H1-2: variants seen among roughly 807,000 people sequenced by gnomAD.
H1-2 encodes H1.2 linker histone, cluster member, also known as histone H1.2.
A neutral mutation model predicts 7.2 loss-of-function variants in H1-2; 7 were observed. The ratio of observed to expected loss-of-function variants is 0.97; its 90% CI spans 0.55 to 1.82. H1-2 has a LOEUF of 1.82. Among genes scored for constraint, H1-2 ranks in the 40% most tolerant of loss-of-function variants. The pLI, the probability that H1-2 is intolerant of heterozygous loss-of-function variation, is 0.00. For synonymous variants in H1-2, 300 were observed against 118.2 expected (o/e 2.54, Z -9.98); for missense variants, 703 against 276.6 (o/e 2.54, Z -10.94).
At position 26,056,391 on chromosome 6, in the gene H1-2, G is replaced by C. The variant is rs767766079; in HGVS notation, c.38C>G (p.Pro13Arg). The change falls in exon 1 of 1, where the codon CCT becomes CGT. Residue 13 changes from proline (P) to arginine (R), a missense_variant. Pro to Arg is a moderately radical substitution (Grantham distance 103). Coordinates refer to ENST00000343677, the MANE Select transcript of H1-2 (RefSeq NM_005319.4). ...ETAPAAPAAA[P>R]PAEKAPVKKK... ...CTTTACAGGGGCCTTCTCCGCAGGA[G>C]GCGCGGCAGCGGGAGCGGCAGGAGC... 6.2e-6 allele frequency: 10 copies of C among 1,601,826 alleles called. No homozygotes were observed. Among genetic ancestry groups the C allele is most frequent in the Non-Finnish European group, 8.5e-6 (10 of 1,174,242 alleles).
chr6:26,056,302 G>T lies in H1-2; in HGVS notation c.127C>A (p.Leu43Ile). 1 of 1,614,148 alleles carries T rather than the reference G, an allele frequency of 6.2e-7. No homozygotes were observed. The highest frequency in any genetic ancestry group is 8.5e-7 in the Non-Finnish European group (1 of 1,179,974). The change falls in exon 1 of 1, where the codon CTC becomes ATC. Residue 43 changes from leucine (L) to isoleucine (I), a missense_variant. Coordinates refer to ENST00000343677, the MANE Select transcript of H1-2 (RefSeq NM_005319.4). Reference protein sequence around the residue: ...RKASGPPVSELITKAVAASKE... With the variant: ...RKASGPPVSEIITKAVAASKE... The stretch of plus-strand genomic sequence containing the variant: ...GAGGCGGCCACAGCCTTGGTGATGA[G>T]CTCTGACACCGGGGGACCAGACGCC...
In H1-2 at chr6:26,056,241, T is replaced by C. The variant is rs1761922006; in HGVS notation, c.188A>G (p.Lys63Arg). Residue 63 changes from lysine to arginine, a missense_variant, in exon 1 of 1, where the codon AAA (lysine) becomes AGA (arginine). Coordinates refer to ENST00000343677, the MANE Select transcript of H1-2 (RefSeq NM_005319.4). ...ERSGVSLAAL[K>R]KALAAAGYDV... is the part of the protein sequence containing the mutation. The stretch of plus-strand genomic sequence containing the variant: ...ATAGCCGGCGGCAGCCAACGCTTTT[T>C]TCAGAGCAGCCAGAGAAACTCCGCT... 2 of 1,614,246 alleles carry C rather than the reference T, an allele frequency of 1.2e-6. No homozygotes were observed. The highest frequency in any genetic ancestry group is 2.2e-5 in the East Asian group (1 of 44,880).
chr6:26,055,781 G>A lies in H1-2; in HGVS notation c.*6C>T, dbSNP rs771281171. 5.7e-6 allele frequency: 9 copies of A among 1,585,612 alleles called. No individual in the cohort carries two copies. In the East Asian group the frequency reaches 6.7e-5, roughly 12 times the overall value. ...AGCCTTTTGGGTTTTAGAAGTAGGC[G>A]TTCGCCTATTTCTTCTTGGGCGCCG... On this transcript the variant is annotated 3_prime_UTR_variant, in exon 1 of 1. Coordinates refer to ENST00000343677, the MANE Select transcript of H1-2 (RefSeq NM_005319.4).
chr6:26,056,279 G>A lies in H1-2; in HGVS notation c.150C>T (p.Ala50=), dbSNP rs150897775. The A allele has an allele frequency of 2.7e-5, 43 of 1,614,128 alleles. No individual in the cohort carries two copies. Among genetic ancestry groups the A allele is most frequent in the East Asian group, 1.3e-4 (6 of 44,884 alleles). ...GAGAAACTCCGCTACGCTCTTTAGA[G>A]GCGGCCACAGCCTTGGTGATGAGCT... The part of the protein sequence containing the change: ...VSELITKAVA[A]SKERSGVSLA... The change falls in exon 1 of 1, where the codon GCC becomes GCT. Residue 50 remains alanine (A), a synonymous_variant. Coordinates refer to ENST00000343677, the MANE Select transcript of H1-2 (RefSeq NM_005319.4).
chr6:26,056,015 G>A lies in H1-2; in HGVS notation c.414C>T (p.Pro138=), dbSNP rs944083777. 10 of 1,613,440 alleles carry A rather than the reference G, an allele frequency of 6.2e-6. No individual in the cohort carries two copies. Among genetic ancestry groups the A allele is most frequent in the East Asian group, 2.2e-5 (1 of 44,882 alleles). The change falls in exon 1 of 1, where the codon CCC becomes CCT. Residue 138 remains proline, a synonymous_variant. Coordinates refer to ENST00000343677, the MANE Select transcript of H1-2 (RefSeq NM_005319.4). ...GAGTTGCGCCGCCAGCCGCCTTCTT[G>A]GGCTTCTTGGCTGCCCCAACTGGCT... is the stretch of plus-strand genomic sequence containing the variant. ...PKKPVGAAKK[P]KKAAGGATPK...
In H1-2 at chr6:26,056,375, G is replaced by A. The variant is rs199906554; in HGVS notation, c.54C>T (p.Ala18=). ...APAAAPPAEK[A]PVKKKAAKKA... ...TTTTGGCCGCCTTCTTCTTTACAGG[G>A]GCCTTCTCCGCAGGAGGCGCGGCAG... is the stretch of plus-strand genomic sequence containing the variant. Residue 18 remains alanine (A), a synonymous_variant, in exon 1 of 1, where the codon GCC becomes GCT. Coordinates refer to ENST00000343677, the MANE Select transcript of H1-2 (RefSeq NM_005319.4). 4.4e-4 allele frequency: 703 copies of A among 1,609,192 alleles called. 4 individuals are homozygous for A. In the East Asian group the frequency reaches 0.013, roughly 30 times the overall value.
In H1-2 at chr6:26,056,256, G is replaced by GA; in HGVS notation, c.172dup (p.Ser58PhefsTer15). On this transcript the variant is annotated frameshift_variant, in exon 1 of 1. Coordinates refer to ENST00000343677, the MANE Select transcript of H1-2 (RefSeq NM_005319.4). LOFTEE classifies it high-confidence loss of function. ...CAACGCTTTTTTCAGAGCAGCCAGAGAAACTCCGCTACGCTCTTTAGAGGC... is the reference window on the plus strand; with the variant it reads ...CAACGCTTTTTTCAGAGCAGCCAGAGAAAACTCCGCTACGCTCTTTAGAGGC... 6.2e-7 allele frequency: 1 copy of GA among 1,614,234 alleles called. No homozygotes were observed. The highest frequency in any genetic ancestry group is 8.5e-7 in the Non-Finnish European group (1 of 1,180,036).
Position 26,056,102 on chromosome 6 carries a change from C to A in H1-2, c.327G>T (p.Lys109Asn), listed in dbSNP as rs765218240. Residue 109 changes from lysine to asparagine, a missense_variant, in exon 1 of 1, where the codon AAG (lysine) becomes AAT (asparagine). Transcript: ENST00000343677. ...TGASGSFKLN[K>N]KAASGEAKPK... ...GCTTGGCTTCCCCGGAGGCTGCCTT[C>A]TTGTTGAGTTTAAAGGAGCCAGAAG... The A allele has an allele frequency of 1.7e-5, 27 of 1,614,194 alleles. No individual in the cohort carries two copies. Among genetic ancestry groups the A allele is most frequent in the Non-Finnish European group, 2.3e-5 (27 of 1,180,026 alleles).
chr6:26,056,058 C>T lies in H1-2; in HGVS notation c.371G>A (p.Gly124Asp), dbSNP rs12111009. 6.2e-7 allele frequency: 1 copy of T among 1,614,130 alleles called. No individual in the cohort carries two copies. Among genetic ancestry groups the T allele is most frequent in the Non-Finnish European group, 8.5e-7 (1 of 1,180,038 alleles). ...AACTGGCTTCTTAGGTTTGGTTCCGCCCGCCTTTTTAACCTTGGGCTTGGC... is the reference window on the plus strand; with the variant it reads ...AACTGGCTTCTTAGGTTTGGTTCCGTCCGCCTTTTTAACCTTGGGCTTGGC... ...GEAKPKVKKA[G>D]GTKPKKPVGA... The change falls in exon 1 of 1, where the codon GGC becomes GAC. Residue 124 changes from glycine (G) to aspartate (D), a missense_variant. Physicochemically the swap from Gly to Asp is moderately conservative, Grantham distance 94. Coordinates refer to ENST00000343677, the MANE Select transcript of H1-2 (RefSeq NM_005319.4).
chr6:26,056,423 G>T lies in H1-2; in HGVS notation c.6C>A (p.Ser2=), dbSNP rs764314267. 3.2e-6 allele frequency: 5 copies of T among 1,572,534 alleles called. No homozygotes were observed. The highest frequency in any genetic ancestry group is 3.4e-6 in the Non-Finnish European group (4 of 1,163,890). ...CAGCGGGAGCGGCAGGAGCAGTCTC[G>T]GACATGTTGAGAATCAAAAACTCGG... is the stretch of plus-strand genomic sequence containing the variant. M[S]ETAPAAPAAA... is the part of the protein sequence containing the mutation. Residue 2 remains serine, a synonymous_variant, in exon 1 of 1, where the codon TCC becomes TCA. Coordinates refer to ENST00000343677, the MANE Select transcript of H1-2 (RefSeq NM_005319.4).
In H1-2 at chr6:26,056,171, G is replaced by A. The variant is rs61748580; in HGVS notation, c.258C>T (p.Ser86=). 15,410 of 1,614,208 alleles carry A rather than the reference G, an allele frequency of 9.5e-3. 102 individuals carry two copies. Among genetic ancestry groups the A allele is most frequent in the Middle Eastern group, 0.042 (253 of 6,060 alleles). ...NNSRIKLGLK[S]LVSKGTLVQT... is the part of the protein sequence containing the mutation. ...GCACCAGAGTGCCCTTGCTCACCAG[G>A]CTCTTGAGACCAAGTTTGATACGGC... Residue 86 remains serine (S), a synonymous_variant, in exon 1 of 1, where the codon AGC becomes AGT. Coordinates refer to ENST00000343677, the MANE Select transcript of H1-2 (RefSeq NM_005319.4).
chr6:26,056,117 G>T lies in H1-2; in HGVS notation c.312C>A (p.Ser104=), dbSNP rs200597995. 1.2e-6 allele frequency: 2 copies of T among 1,614,216 alleles called. No individual in the cohort carries two copies. The highest frequency in any genetic ancestry group is 1.7e-6 in the Non-Finnish European group (2 of 1,180,038). Residue 104 remains serine (S), a synonymous_variant, in exon 1 of 1, where the codon TCC becomes TCA. Coordinates refer to ENST00000343677, the MANE Select transcript of H1-2 (RefSeq NM_005319.4). The part of the protein sequence containing the change: ...VQTKGTGASG[S]FKLNKKAASG... ...AGGCTGCCTTCTTGTTGAGTTTAAA[G>T]GAGCCAGAAGCACCGGTGCCTTTCG...
Position 26,056,004 on chromosome 6 carries a change from G to A in H1-2, c.425C>T (p.Ala142Val), listed in dbSNP as rs1231531360. 6 of 1,613,936 alleles carry A rather than the reference G, an allele frequency of 3.7e-6. No individual in the cohort carries two copies. In the African/African-American group the frequency reaches 5.3e-5, roughly 14 times the overall value. The change falls in exon 1 of 1, where the codon GCT becomes GTT. Residue 142 changes from alanine (A) to valine (V), a missense_variant. Physicochemically the swap from Ala to Val is moderately conservative, Grantham distance 64. Transcript: ENST00000343677. Reference protein sequence around the residue: ...VGAAKKPKKAAGGATPKKSAK... With the variant: ...VGAAKKPKKAVGGATPKKSAK... ...GCTCTTCTTCGGAGTTGCGCCGCCA[G>A]CCGCCTTCTTGGGCTTCTTGGCTGC...
rs774315804 is a variant in H1-2 at position 26,056,034 on chromosome 6, A to C, written c.395T>G (p.Val132Gly). 1.2e-6 allele frequency: 2 copies of C among 1,613,888 alleles called. No homozygotes were observed. Among genetic ancestry groups the C allele is most frequent in the Non-Finnish European group, 1.7e-6 (2 of 1,179,996 alleles). The change falls in exon 1 of 1, where the codon GTT becomes GGT. Residue 132 changes from valine to glycine, a missense_variant. Val to Gly is a moderately radical substitution (Grantham distance 109). Transcript: ENST00000343677. ...KAGGTKPKKP[V>G]GAAKKPKKAA... ...CTTCTTGGGCTTCTTGGCTGCCCCA[A>C]CTGGCTTCTTAGGTTTGGTTCCGCC...
chr6:26,055,936 T>G lies in H1-2; in HGVS notation c.493A>C (p.Thr165Pro), dbSNP rs781642514. ...CTCTTAGCCACTTTCTTGGTTACAG[T>G]GGCCGCGGCCGGCTTCTTCGCTTTC... ...PKKAKKPAAA[T>P]VTKKVAKSPK... is the part of the protein sequence containing the mutation. Residue 165 changes from threonine (T) to proline (P), a missense_variant, in exon 1 of 1, where the codon ACT (threonine) becomes CCT (proline). Physicochemically the swap from Thr to Pro is conservative, Grantham distance 38 (BLOSUM62 -1). Coordinates refer to ENST00000343677, the MANE Select transcript of H1-2 (RefSeq NM_005319.4). 6.2e-7 allele frequency: 1 copy of G among 1,614,192 alleles called. No individual in the cohort carries two copies. The highest frequency in any genetic ancestry group is 2.2e-5 in the East Asian group (1 of 44,880).
rs768437812 is a variant in H1-2 at position 26,055,914 on chromosome 6, T to C, written c.515A>G (p.Lys172Arg). The C allele has an allele frequency of 4.3e-6, 7 of 1,614,220 alleles. No homozygotes were observed. Among genetic ancestry groups the C allele is most frequent in the Middle Eastern group, 1.7e-4 (1 of 6,054 alleles). The change falls in exon 1 of 1, where the codon AAG (lysine) becomes AGG (arginine). Residue 172 changes from lysine (K) to arginine (R), a missense_variant. Lys to Arg is a conservative substitution (Grantham distance 26). Transcript: ENST00000343677. Reference protein sequence around the residue: ...AAATVTKKVAKSPKKAKVAKP... With the variant: ...AAATVTKKVARSPKKAKVAKP... ...CGCAACCTTGGCCTTCTTTGGGCTCTTAGCCACTTTCTTGGTTACAGTGGC... is the reference window on the plus strand; with the variant it reads ...CGCAACCTTGGCCTTCTTTGGGCTCCTAGCCACTTTCTTGGTTACAGTGGC...
Position 26,056,441 on chromosome 6 carries a change from A to G in H1-2, c.-13T>C, listed in dbSNP as rs1372409180. ...CAGTCTCGGACATGTTGAGAATCAAAAACTCGGGTACAAGTGGCAAAGCGC... is the reference window on the plus strand; with the variant it reads ...CAGTCTCGGACATGTTGAGAATCAAGAACTCGGGTACAAGTGGCAAAGCGC... On this transcript the variant is annotated 5_prime_UTR_variant, in exon 1 of 1. Transcript: ENST00000343677. 1 of 1,556,870 alleles carries G rather than the reference A, an allele frequency of 6.4e-7. No homozygotes were observed. The highest frequency in any genetic ancestry group is 1.4e-5 in the African/African-American group (1 of 72,536).
In H1-2 at chr6:26,055,775, G is replaced by T. The variant is rs1197009747; in HGVS notation, c.*12C>A. 6.3e-7 allele frequency: 1 copy of T among 1,580,748 alleles called. No individual in the cohort carries two copies. The highest frequency in any genetic ancestry group is 8.5e-7 in the Non-Finnish European group (1 of 1,170,136). ...GAAAAGAGCCTTTTGGGTTTTAGAA[G>T]TAGGCGTTCGCCTATTTCTTCTTGG... On this transcript the variant is annotated 3_prime_UTR_variant, in exon 1 of 1. Transcript: ENST00000343677.
chr6:26,056,460 A>G lies in H1-2; in HGVS notation c.-32T>C. ...AATCAAAAACTCGGGTACAAGTGGC[A>G]AAGCGCCGATGAAGCAGCGCCTGGG... On this transcript the variant is annotated 5_prime_UTR_variant, in exon 1 of 1. Coordinates refer to ENST00000343677, the MANE Select transcript of H1-2 (RefSeq NM_005319.4). 1 of 1,540,962 alleles carries G rather than the reference A, an allele frequency of 6.5e-7. No individual in the cohort carries two copies. Among genetic ancestry groups the G allele is most frequent in the Non-Finnish European group, 8.7e-7 (1 of 1,149,094 alleles).
Sources: allele counts gnomAD v4.1 joint callset, GRCh38; gene constraint gnomAD v4.1.1; transcripts MANE v1.5; gene names NCBI Gene and HGNC (gene_info 2026-07-23, HGNC 2026-07-21).